The following SLF1 variants were observed in gnomAD, a reference collection of about 807,000 sequenced individuals.
SLF1 encodes the protein SMC5/6 complex localization factor 1.
In SLF1, 105 loss-of-function variants were observed where a neutral mutation model predicts 123.0. That is an observed-to-expected ratio of 0.85 (90% confidence interval 0.73 to 1.00). The LOEUF (loss-of-function observed/expected upper bound fraction) is 1.00. Among genes scored for constraint, SLF1 ranks in the 50% least tolerant of loss-of-function variants. SLF1 has a pLI of 0.00. For missense variants in SLF1, 1,239 were observed against 1,223.0 expected (o/e 1.01, Z -0.20); for synonymous variants, 434 against 406.6 (o/e 1.07, Z -0.81).
chr5:94,646,010 G>A (rs906326613), intron 5 of SLF1, among the ~76,000 whole-genome samples: 27 of 152,258 alleles, frequency 1.8e-4, no homozygotes, highest in African/African-American at 6.0e-4. Flanking sequence ...AAGCACTTTG[G>A]GAAGCTGAGG....
intron 19 of SLF1, 67 bp from the exon 20 acceptor site, chr5:94,692,007 C>T (rs1753098505): frequency 6.8e-7 from 1 of 1,478,066 alleles, no homozygotes; most frequent in South Asian, 1.2e-5. Context: ...AAAAGTAGAA[C>T]ATCAGTACTT....
intron 4 of SLF1, among the ~76,000 whole-genome samples, chr5:94,642,947 G>A (rs974962919): frequency 2.0e-5 from 3 of 151,944 alleles, no homozygotes; most frequent in South Asian, 2.1e-4. Flanking sequence ...GAGGATAGCC[G>A]CTTCCTTAGA....
intron 4 of SLF1, among the ~76,000 whole-genome samples, chr5:94,631,379 C>T (rs1232709057): frequency 2.0e-5 from 3 of 152,152 alleles, no homozygotes; most frequent in South Asian, 4.1e-4. Flanking sequence ...TGTACATTAT[C>T]CTATAATGTT....
Position 94,653,320 on chromosome 5 carries a change from A to G in SLF1, c.931A>G (p.Arg311Gly), listed in dbSNP as rs1219616151. 1 of 1,530,014 alleles carries G rather than the reference A, an allele frequency of 6.5e-7. No homozygotes were observed. Among genetic ancestry groups the G allele is most frequent in the Non-Finnish European group, 8.8e-7 (1 of 1,140,782 alleles). 94.8% of individuals were successfully genotyped at this position (1,530,014 alleles called of 1,614,324 possible). Residue 311 changes from arginine to glycine, a missense_variant, in exon 8 of 21, where the codon AGG becomes GGG. By Grantham distance (125) the Arg-to-Gly change is moderately radical. Coordinates refer to ENST00000265140, the MANE Select transcript of SLF1 (RefSeq NM_032290.4). ...DEDIQRSYTL[R>G]RKRKKGKESN... Reference sequence around the variant, plus strand: ...AGATATTCAGAGGAGTTATACTTTGAGGAGAAAACGCAAGAAAGGAAAAGA... The same window carrying G: ...AGATATTCAGAGGAGTTATACTTTGGGGAGAAAACGCAAGAAAGGAAAAGA...
In SLF1 at chr5:94,651,761, A is replaced by G; in HGVS notation, c.798A>G (p.Lys266=). 6.5e-7 allele frequency: 1 copy of G among 1,533,778 alleles called. No homozygotes were observed. The highest frequency in any genetic ancestry group is 8.8e-7 in the Non-Finnish European group (1 of 1,138,554). Residue 266 remains lysine (K), a synonymous_variant, in exon 7 of 21, where the codon AAA becomes AAG. Coordinates refer to ENST00000265140, the MANE Select transcript of SLF1 (RefSeq NM_032290.4). ...NVGSILIQHH[K]KEKFSGSSKD... is the part of the protein sequence containing the mutation. ...GTTCTATTTTGATTCAACATCACAAAAAAGAAAAATTCAGTGGTTCCAGTA... is the reference window on the plus strand; with the variant it reads ...GTTCTATTTTGATTCAACATCACAAGAAAGAAAAATTCAGTGGTTCCAGTA...
intron 9 of SLF1, among the ~76,000 whole-genome samples, chr5:94,657,328 T>C (rs1227656355): frequency 6.6e-6 from 1 of 152,036 alleles, no homozygotes; most frequent in Non-Finnish European, 1.5e-5. Flanking sequence ...ACATGTGATT[T>C]TATTTACGTG....
intron 3 of SLF1, 72 bp from the exon 4 acceptor site, chr5:94,630,431 A>G: frequency 2.1e-6 from 3 of 1,444,228 alleles, no homozygotes; most frequent in South Asian, 1.4e-5. Context: ...TGACTTTTAT[A>G]TTTGATCTTT....
At chr5:94,686,463 A>T in intron 15 of SLF1, 110 bp from the exon 16 acceptor site, 1 of 1,123,266 alleles carries the variant, frequency 8.9e-7, no homozygotes, top group Non-Finnish European at 1.3e-6. Flanking sequence ...TGAATCTTAT[A>T]GGTGTAAGAG....
intron 9 of SLF1, among the ~76,000 whole-genome samples, chr5:94,657,070 A>T (rs1299369305): frequency 6.7e-6 from 1 of 149,774 alleles, no homozygotes; most frequent in Non-Finnish European, 1.5e-5. Flanking sequence ...GATCTTTATT[A>T]TTTCCTTCTA....
At chr5:94,650,361 CAT>C (rs1491346607) in intron 6 of SLF1, among the ~76,000 whole-genome samples, 10 of 106,840 alleles carry the variant, frequency 9.4e-5, no homozygotes, top group Admixed American at 7.0e-4. Flanking sequence ...TAATTTGGAA[CAT>C]TTTTTTTTTT....
intron 7 of SLF1, 21 bp downstream of exon 7, chr5:94,651,866 A>C: frequency 7.9e-7 from 1 of 1,270,420 alleles, no homozygotes; most frequent in Non-Finnish European, 1.0e-6. Context: ...CCAAATTAAA[A>C]ATAATTTATT....
At chr5:94,673,253 C>A (rs1455014122) in intron 14 of SLF1, among the ~76,000 whole-genome samples, 1 of 152,016 alleles carries the variant, frequency 6.6e-6, no homozygotes, top group African/African-American at 2.4e-5. Flanking sequence ...AGTCAGGTAT[C>A]TGAGTAGCTC....
chr5:94,685,965 A>G lies in SLF1; in HGVS notation c.1976-608A>G, dbSNP rs146154321. Among the ~76,000 whole-genome samples the G allele has an allele frequency of 2.0e-3, 306 of 151,736 alleles. 1 individual carries two copies. The highest frequency in any genetic ancestry group is 7.2e-3 in the African/African-American group (298 of 41,298). ...TCCTGTTTCATGTTTTTCTTTATAC[A>G]TGCTCGTTTCATGTTTTTCTTCTTT... On this transcript the variant is annotated intron_variant, in intron 15 of 20. Coordinates refer to ENST00000265140, the MANE Select transcript of SLF1 (RefSeq NM_032290.4).
At chr5:94,693,897 T>C (rs1003867729) in intron 20 of SLF1, among the ~76,000 whole-genome samples, 10 of 151,824 alleles carry the variant, frequency 6.6e-5, no homozygotes, top group Admixed American at 5.9e-4. Context: ...TGATCTTTTA[T>C]ATTAAGTACA....
chr5:94,652,741 A>AT (rs1369983104), intron 7 of SLF1, among the ~76,000 whole-genome samples: 2 of 152,210 alleles, frequency 1.3e-5, no homozygotes, highest in Admixed American at 6.5e-5. Context: ...TTGCTGGGTC[A>AT]TAAGGAGTGT....
chr5:94,662,240 T>C, intron 9 of SLF1, 58 bp from the exon 10 acceptor site: 2 of 1,443,750 alleles, frequency 1.4e-6, no homozygotes, highest in South Asian at 1.3e-5. Context: ...TTGGGGAAGC[T>C]GAAATGTATT....
At chr5:94,652,014 C>CTT (rs11321582) in intron 7 of SLF1, among the ~76,000 whole-genome samples, 169 bp downstream of exon 7, 28 of 130,942 alleles carry the variant, frequency 2.1e-4, no homozygotes, top group Admixed American at 1.6e-3. Context: ...TTTCTTTTTT[C>CTT]TTTTTTTTTT....
At chr5:94,681,701 T>C (rs1419226805) in intron 15 of SLF1, among the ~76,000 whole-genome samples, 1 of 137,170 alleles carries the variant, frequency 7.3e-6, no homozygotes, top group South Asian at 2.5e-4. Flanking sequence ...CCTGTGTCCA[T>C]GTGTTCTCAT....
chr5:94,632,528 T>G (rs1189291062), intron 4 of SLF1, among the ~76,000 whole-genome samples: 1 of 152,210 alleles, frequency 6.6e-6, no homozygotes, highest in Non-Finnish European at 1.5e-5. Context: ...TTCTTTAATG[T>G]CTTATAGTTC....
Sources: allele counts gnomAD v4.1 joint callset (sites outside exome capture counted in the v4.1 genomes callset), GRCh38; gene constraint gnomAD v4.1.1; transcripts MANE v1.5; gene names NCBI Gene and HGNC (gene_info 2026-07-23, HGNC 2026-07-21).